The following ZBTB7C variants were observed in gnomAD, a reference collection of about 807,000 sequenced individuals.
The protein encoded by ZBTB7C is zinc finger and BTB domain containing 7C.
A neutral mutation model predicts 25.7 loss-of-function variants in ZBTB7C; 8 were observed. The observed-to-expected ratio is 0.31, with a 90% CI of 0.18 to 0.56. ZBTB7C has a LOEUF of 0.56. Ranked by LOEUF, ZBTB7C falls within the 20% of genes least tolerant of loss-of-function variation. ZBTB7C has a pLI of 0.91. For synonymous variants in ZBTB7C, 394 were observed against 369.0 expected, an observed-to-expected ratio of 1.07 and a Z score of -0.78; for missense variants, 824 against 855.2, an observed-to-expected ratio of 0.96 and a Z score of 0.46.
intron 2 of ZBTB7C, among the ~76,000 whole-genome samples, chr18:48,205,397 G>A (rs1038405649): frequency 3.9e-5 from 6 of 152,008 alleles, no homozygotes; most frequent in East Asian, 2.0e-4. Flanking sequence ...TCTACACTGA[G>A]AAGTACAATG....
intron 2 of ZBTB7C, among the ~76,000 whole-genome samples, chr18:48,288,896 A>G (rs2045137230): frequency 6.6e-6 from 1 of 152,230 alleles, no homozygotes. Flanking sequence ...TGAATAGACT[A>G]AGACAAAGAT....
intron 1 of ZBTB7C, among the ~76,000 whole-genome samples, chr18:48,382,640 C>A (rs1412246366): frequency 6.6e-6 from 1 of 152,230 alleles, no homozygotes; most frequent in Non-Finnish European, 1.5e-5. Context: ...GTTGATGATG[C>A]AGAAACCCTA....
chr18:48,283,153 A>C (rs2044924897), intron 2 of ZBTB7C, among the ~76,000 whole-genome samples: 1 of 152,208 alleles, frequency 6.6e-6, no homozygotes. Context: ...AAAATTTCAT[A>C]TCCTTTGACC....
intron 2 of ZBTB7C, among the ~76,000 whole-genome samples, chr18:48,230,345 G>T (rs1006249056): frequency 6.6e-6 from 1 of 152,042 alleles, no homozygotes; most frequent in African/African-American, 2.4e-5. Context: ...GTGGGAAGCT[G>T]GTTGGGAGCT....
intron 2 of ZBTB7C, among the ~76,000 whole-genome samples, chr18:48,228,228 C>T (rs2043154947): frequency 6.6e-6 from 1 of 152,168 alleles, no homozygotes; most frequent in African/African-American, 2.4e-5. Flanking sequence ...CCAACAGGTC[C>T]TCCACTCACA....
intron 3 of ZBTB7C, among the ~76,000 whole-genome samples, chr18:48,133,195 G>A (rs2040039815): frequency 6.6e-6 from 1 of 152,176 alleles, no homozygotes; most frequent in South Asian, 2.1e-4. Flanking sequence ...ACCATTGTGG[G>A]GCAGCTCTTA....
In ZBTB7C at chr18:48,401,617, G is replaced by A. The variant is rs193090346; in HGVS notation, c.-304+7609C>T. Among the ~76,000 whole-genome samples, 55 of 152,240 alleles carry A rather than the reference G, an allele frequency of 3.6e-4. 1 individual carries two copies. The East Asian group carries it at 0.01, about 29-fold the overall frequency. ...GGTATCTGCCTGGAGGCAGGGAGGG[G>A]CCTCAGAATCCCCAAGGACACTTCC... On this transcript the variant is annotated intron_variant, in intron 1 of 4. Coordinates refer to ENST00000590800, the MANE Select transcript of ZBTB7C (RefSeq NM_001318841.2).
At chr18:48,257,810 C>G (rs1269534535) in intron 2 of ZBTB7C, among the ~76,000 whole-genome samples, 2 of 150,968 alleles carry the variant, frequency 1.3e-5, no homozygotes, top group African/African-American at 2.4e-5. Context: ...TAGGATCATG[C>G]AAATAGATGC....
intron 1 of ZBTB7C, among the ~76,000 whole-genome samples, chr18:48,362,531 C>T (rs1238039690): frequency 6.6e-6 from 1 of 152,178 alleles, no homozygotes; most frequent in African/African-American, 2.4e-5. Flanking sequence ...CCTCACCAGA[C>T]ACCCAATCTG....
chr18:48,189,847 G>C (rs1414986587), intron 2 of ZBTB7C, among the ~76,000 whole-genome samples: 2 of 152,196 alleles, frequency 1.3e-5, no homozygotes, highest in Non-Finnish European at 2.9e-5. Context: ...AAAGGGGCAG[G>C]AGGGCATCAT....
chr18:48,299,411 C>T (rs117540373), intron 2 of ZBTB7C, among the ~76,000 whole-genome samples: 1,655 of 152,256 alleles, frequency 0.011, 12 homozygotes, highest in Non-Finnish European at 0.016. Context: ...CAACATCCAC[C>T]GAAGGGAGAA....
intron 3 of ZBTB7C, among the ~76,000 whole-genome samples, chr18:48,158,864 C>T (rs2144934992): frequency 1.3e-5 from 2 of 152,282 alleles, no homozygotes; most frequent in South Asian, 4.2e-4. Flanking sequence ...CTGGGGTGAG[C>T]ATGAAGCCGC....
chr18:48,389,232 C>A (rs55877569), intron 1 of ZBTB7C, among the ~76,000 whole-genome samples: 1 of 61,846 alleles, frequency 1.6e-5, no homozygotes, highest in Admixed American at 2.0e-4. Context: ...CTCTCTCTCT[C>A]TCTCGTGTGT....
At chr18:48,376,388 G>A (rs2047519639) in intron 1 of ZBTB7C, among the ~76,000 whole-genome samples, 1 of 151,814 alleles carries the variant, frequency 6.6e-6, no homozygotes, top group South Asian at 2.1e-4. Flanking sequence ...CTAAGAAGCA[G>A]ATCGTTTGAA....
chr18:48,048,627 T>A (rs925819619), intron 3 of ZBTB7C, among the ~76,000 whole-genome samples: 5 of 152,214 alleles, frequency 3.3e-5, no homozygotes, highest in African/African-American at 4.8e-5. Context: ...ATGTAGTCAG[T>A]GCTCAACCAA....
chr18:48,335,741 A>G lies in ZBTB7C; in HGVS notation c.-79+2433T>C, dbSNP rs549075399. ...AGACGGTGCTACAAGTACAGAATACACTGTAGACTTCAAACACTTTGTATG... is the reference window on the plus strand; with the variant it reads ...AGACGGTGCTACAAGTACAGAATACGCTGTAGACTTCAAACACTTTGTATG... On this transcript the variant is annotated intron_variant, in intron 2 of 4. Coordinates refer to ENST00000590800, the MANE Select transcript of ZBTB7C (RefSeq NM_001318841.2). Among the ~76,000 whole-genome samples, 37 of 152,324 alleles carry G rather than the reference A, an allele frequency of 2.4e-4. No individual in the cohort carries two copies. The South Asian group carries it at 5.6e-3, about 23-fold the overall frequency.
At chr18:48,227,033 A>AG (rs1413979039) in intron 2 of ZBTB7C, among the ~76,000 whole-genome samples, 2 of 149,744 alleles carry the variant, frequency 1.3e-5, no homozygotes, top group African/African-American at 2.5e-5. Flanking sequence ...AAAAAAAAAA[A>AG]AAAAAGAAAA....
chr18:48,313,990 G>C (rs1348682206), intron 2 of ZBTB7C, among the ~76,000 whole-genome samples: 6 of 152,090 alleles, frequency 3.9e-5, no homozygotes, highest in Admixed American at 3.9e-4. Context: ...TCCAGCTTTG[G>C]CATGTGACAT....
rs1446866669 is a variant in ZBTB7C at position 48,038,700 on chromosome 18, C to T, written c.1208+1200G>A. ...CCACCAATTCCCAAAGATACATCTC[C>T]AAGAGGAAGTGGGGCAGCAGCACCG... On this transcript the variant is annotated intron_variant, in intron 4 of 4. Transcript: ENST00000590800. Among the ~76,000 whole-genome samples the T allele has an allele frequency of 2.0e-5, 3 of 152,210 alleles. 1 individual carries two copies. The highest frequency in any genetic ancestry group is 2.0e-4 in the Admixed American group (3 of 15,292).
Sources: allele counts gnomAD v4.1 joint callset (sites outside exome capture counted in the v4.1 genomes callset), GRCh38; gene constraint gnomAD v4.1.1; transcripts MANE v1.5; gene names NCBI Gene and HGNC (gene_info 2026-07-23, HGNC 2026-07-21).